The following ERICH1 variants were observed in gnomAD, a reference collection of about 807,000 sequenced individuals.
ERICH1 encodes glutamate rich 1, also known as glutamate-rich protein 1.
In ERICH1, 56 loss-of-function variants were observed where a neutral mutation model predicts 39.6. The ratio of observed to expected loss-of-function variants is 1.41; its 90% CI spans 1.14 to 1.77. The LOEUF (loss-of-function observed/expected upper bound fraction) is 1.77. ERICH1 is among the 40% of genes most tolerant of loss of function. The pLI is 0.00. For missense variants in ERICH1, 826 were observed against 575.4 expected (o/e 1.44, Z -4.45); for synonymous variants, 313 against 223.6 (o/e 1.40, Z -3.57).
chr8:730,661 AG>A (rs1258194707), intron 1 of ERICH1, among the ~76,000 whole-genome samples: 1 of 152,124 alleles, frequency 6.6e-6, no homozygotes, highest in Non-Finnish European at 1.5e-5. Flanking sequence ...CCCACACCTT[AG>A]GTCCACTGAA....
intron 1 of ERICH1, among the ~76,000 whole-genome samples, chr8:730,228 G>T (rs934625911): frequency 6.6e-6 from 1 of 152,194 alleles, no homozygotes; most frequent in Non-Finnish European, 1.5e-5. Flanking sequence ...GAAGGAGAGG[G>T]GGAAGCCCAC....
rs144324678 is a variant in ERICH1 at position 627,650 on chromosome 8, C to T, written c.977-12366G>A. On this transcript the variant is annotated intron_variant, in intron 3 of 3. Coordinates refer to the ERICH1 transcript ENST00000522706. ...CTGGCCTTCACGGAGGTCCGGGGTG[C>T]CTCCCTGCACCACCTGAACCCGAAA... 7.0e-3 allele frequency among the ~76,000 whole-genome samples: 1,064 copies of T among 152,304 alleles called. 4 individuals carry two copies. The highest frequency in any genetic ancestry group is 8.8e-3 in the Non-Finnish European group (601 of 68,026).
chr8:627,457 A>G (rs963251898), intron 3 of ERICH1, among the ~76,000 whole-genome samples: 30 of 152,174 alleles, frequency 2.0e-4, no homozygotes, highest in African/African-American at 7.0e-4. Context: ...GCGCTATGTT[A>G]TATCGTTAAC....
chr8:624,594 G>C (rs1379453985), intron 3 of ERICH1, among the ~76,000 whole-genome samples: 1 of 152,226 alleles, frequency 6.6e-6, no homozygotes, highest in Non-Finnish European at 1.5e-5. Flanking sequence ...AGCATGGCTG[G>C]GGAGGTCTCA....
rs114634317 is a variant in ERICH1 at position 639,417 on chromosome 8, G to C, written c.977-24133C>G. 1.9e-3 allele frequency among the ~76,000 whole-genome samples: 283 copies of C among 152,314 alleles called. 1 individual carries two copies. The highest frequency in any genetic ancestry group is 6.3e-3 in the African/African-American group (263 of 41,558). ...GAAGAAGTGATAGAGAAATAAATGA[G>C]GAGATGATTTGAAAAGCACTTTGAA... On this transcript the variant is annotated intron_variant, in intron 3 of 3. Transcript: ENST00000522706.
intron 2 of ERICH1, among the ~76,000 whole-genome samples, chr8:706,415 G>T (rs1813283854): frequency 6.6e-6 from 1 of 152,240 alleles, no homozygotes; most frequent in South Asian, 2.1e-4. Context: ...AAAATACTTT[G>T]GAATACACTT....
At chr8:625,414 A>G (rs1025575174) in intron 3 of ERICH1, among the ~76,000 whole-genome samples, 6 of 152,198 alleles carry the variant, frequency 3.9e-5, no homozygotes, top group Non-Finnish European at 7.3e-5. Flanking sequence ...ACACGTCCAC[A>G]GAAGTGGACA....
At chr8:623,476 T>G (rs1172469444) in intron 3 of ERICH1, among the ~76,000 whole-genome samples, 1 of 152,242 alleles carries the variant, frequency 6.6e-6, no homozygotes, top group East Asian at 1.9e-4. Context: ...CTTCTATTTT[T>G]TAATTTAAAA....
At chr8:712,518 C>T (rs1433856489) in intron 2 of ERICH1, among the ~76,000 whole-genome samples, 2 of 152,172 alleles carry the variant, frequency 1.3e-5, no homozygotes, top group South Asian at 4.1e-4. Context: ...CAACCTCTGC[C>T]TCCAGGGTTC....
At chr8:718,723 C>T (rs559164654) in intron 1 of ERICH1, among the ~76,000 whole-genome samples, 13 of 152,306 alleles carry the variant, frequency 8.5e-5, no homozygotes, top group South Asian at 8.3e-4. Context: ...CCCAGCCTCA[C>T]GACCTGAAAG....
downstream of ERICH1, among the ~76,000 whole-genome samples, chr8:661,290 G>A (rs974179094): frequency 2.0e-5 from 3 of 152,126 alleles, no homozygotes; most frequent in African/African-American, 7.2e-5. Flanking sequence ...TGTGGGCCCT[G>A]GAGTCTCCTG....
chr8:726,461 G>C (rs1034074818), intron 1 of ERICH1, among the ~76,000 whole-genome samples: 2 of 148,394 alleles, frequency 1.3e-5, no homozygotes, highest in African/African-American at 5.0e-5. Context: ...ACAACACACA[G>C]GTGCACACAC....
chr8:664,504 G>A lies in ERICH1; in HGVS notation c.*99C>T. 1.4e-6 allele frequency: 2 copies of A among 1,415,596 alleles called. No homozygotes were observed. The highest frequency in any genetic ancestry group is 2.4e-5 in the East Asian group (1 of 41,752). 87.7% of individuals were successfully genotyped at this position (1,415,596 alleles called of 1,614,324 possible). A position where few individuals can be genotyped will look rare whatever the true frequency, so the allele number is the denominator to read the frequency against. On this transcript the variant is annotated 3_prime_UTR_variant, in exon 6 of 6. Transcript: ENST00000262109. ...CGTGAATAAATAATATGGCATAAAT[G>A]TCTTTCAAGTTCCCAGAGAACTAAC...
exon 4 of ERICH1, chr8:615,133 G>T: frequency 3.3e-6 from 2 of 610,190 alleles, no homozygotes; most frequent in South Asian, 4.0e-5. Context: ...TTGGGCTCCC[G>T]GTCCACTGCT....
chr8:721,589 C>G (rs554349020), intron 1 of ERICH1, among the ~76,000 whole-genome samples: 3 of 152,376 alleles, frequency 2.0e-5, no homozygotes, highest in East Asian at 3.9e-4. Flanking sequence ...CAAAACCACA[C>G]TGCATGGCAC....
chr8:688,995 C>G (rs1291956097), intron 3 of ERICH1, among the ~76,000 whole-genome samples: 2 of 152,232 alleles, frequency 1.3e-5, no homozygotes, highest in Non-Finnish European at 2.9e-5. Flanking sequence ...AAGGCCAACA[C>G]TCTCCAGGTC....
chr8:694,804 C>A (rs555258301), intron 2 of ERICH1, among the ~76,000 whole-genome samples: 54 of 152,310 alleles, frequency 3.5e-4, no homozygotes, highest in African/African-American at 1.3e-3. Context: ...ATGTCTTGAT[C>A]AGGTGCAAGG....
chr8:625,462 G>A (rs776640702), intron 3 of ERICH1, among the ~76,000 whole-genome samples: 2 of 152,120 alleles, frequency 1.3e-5, no homozygotes, highest in Non-Finnish European at 2.9e-5. Context: ...GGGTTGCTGG[G>A]GCTGAGGGTA....
chr8:637,411 C>G (rs912700146), intron 3 of ERICH1: 2 of 152,298 alleles, frequency 1.3e-5, no homozygotes, highest in Non-Finnish European at 2.9e-5. Flanking sequence ...CCCAGCATTC[C>G]ATCCTCACCA....
Sources: gnomAD v4.1 joint callset for allele counts (sites outside exome capture counted in the v4.1 genomes callset) on GRCh38, gnomAD v4.1.1 for gene constraint, MANE v1.5 for transcripts, NCBI Gene and HGNC (gene_info 2026-07-23, HGNC 2026-07-21) for gene names.